AXIN1: variants seen among roughly 807,000 people sequenced by gnomAD.
AXIN1 encodes the protein axin 1.
AXIN1 carries 30 observed loss-of-function variants against 76.4 expected under a neutral mutation model. The observed-to-expected ratio is 0.39, with a 90% CI of 0.29 to 0.53. The LOEUF (loss-of-function observed/expected upper bound fraction) is 0.53, where lower values mean the gene tolerates loss of function less well. Among genes scored for constraint, AXIN1 ranks in the 20% least tolerant of loss-of-function variants. The pLI is 0.66. For missense variants in AXIN1, 1,140 were observed against 1,198.8 expected, an observed-to-expected ratio of 0.95 and a Z score of 0.72; for synonymous variants, 545 against 501.4, an observed-to-expected ratio of 1.09 and a Z score of -1.16.
In AXIN1 at chr16:293,192, G is replaced by T; in HGVS notation, c.2186+296C>A. The T allele has an allele frequency of 2.0e-6, 1 of 504,762 alleles. No homozygotes were observed. Among genetic ancestry groups the T allele is most frequent in the Non-Finnish European group, 3.6e-6 (1 of 279,048 alleles). 31.3% of individuals were successfully genotyped at this position (504,762 alleles called of 1,614,324 possible). On this transcript the variant is annotated intron_variant, in intron 8 of 10. Coordinates refer to ENST00000262320, the MANE Select transcript of AXIN1 (RefSeq NM_003502.4). The surrounding 1 kb of genome is among the most constrained non-coding windows in gnomAD (Gnocchi z 4.6). ...GGGGACCGGCGTTCCCCACACACTG[G>T]GGCCCTGCAGCCTCCCTGCAGACTG...
intron 2 of AXIN1, among the ~76,000 whole-genome samples, chr16:336,956 T>C (rs781239609): frequency 6.6e-6 from 1 of 151,546 alleles, no homozygotes; most frequent in Non-Finnish European, 1.5e-5. Context: ...GAGACCATGA[T>C]GGCTAACACG....
In AXIN1 at chr16:291,160, G is replaced by C. The variant is rs894092998; in HGVS notation, c.2294+30C>G. On this transcript the variant is annotated intron_variant, in intron 9 of 10. Coordinates refer to ENST00000262320, the MANE Select transcript of AXIN1 (RefSeq NM_003502.4). Reference sequence around the variant, plus strand: ...TGGGACGCCAGGGCTGGGGTGGGCAGGACCGGGAGGACCCTCAGGACGCAC... The same window carrying C: ...TGGGACGCCAGGGCTGGGGTGGGCACGACCGGGAGGACCCTCAGGACGCAC... 1.9e-6 allele frequency: 3 copies of C among 1,553,522 alleles called. No individual in the cohort carries two copies. In the East Asian group the frequency reaches 7.1e-5, roughly 37 times the overall value.
At chr16:316,500 A>AGGCTGCCCCTTCCTTCTAGC (rs1293851282) in intron 2 of AXIN1, among the ~76,000 whole-genome samples, 2 of 152,192 alleles carry the variant, frequency 1.3e-5, no homozygotes, top group African/African-American at 4.8e-5. Flanking sequence ...GTGTGCCCTG[A>AGGCTGCCCCTTCCTTCTAGC]GGCTGCCCCT....
intron 3 of AXIN1, 152 bp downstream of exon 3, chr16:314,391 T>C (rs2053251534): frequency 3.2e-6 from 4 of 1,238,960 alleles, no homozygotes; most frequent in Non-Finnish European, 4.6e-6. Flanking sequence ...GGCCGCGCTC[T>C]GCAGCAGGGT....
intron 8 of AXIN1, chr16:292,392 C>G (rs1255811878): frequency 2.0e-5 from 3 of 152,250 alleles, no homozygotes; most frequent in Non-Finnish European, 4.4e-5. Context: ...GGCTCACAGC[C>G]TGGCAGAAGC....
At chr16:311,201 T>C (rs2053168615) in intron 3 of AXIN1, among the ~76,000 whole-genome samples, 1 of 151,660 alleles carries the variant, frequency 6.6e-6, no homozygotes, top group Admixed American at 6.6e-5. Context: ...GGCTAATTTT[T>C]TGTATTATTT....
intron 2 of AXIN1, among the ~76,000 whole-genome samples, chr16:344,068 G>T (rs552672203): frequency 6.6e-6 from 1 of 151,686 alleles, no homozygotes; most frequent in Non-Finnish European, 1.5e-5. Flanking sequence ...TACTCAACAG[G>T]ATAACTTTGC....
intron 2 of AXIN1, among the ~76,000 whole-genome samples, chr16:335,153 C>CT (rs1386586010): frequency 6.6e-6 from 1 of 152,126 alleles, no homozygotes; most frequent in Non-Finnish European, 1.5e-5. Flanking sequence ...CATGGAAATG[C>CT]TTTATCTTTG....
intron 2 of AXIN1, among the ~76,000 whole-genome samples, chr16:341,550 C>A (rs1260034756): frequency 6.6e-6 from 1 of 152,262 alleles, no homozygotes; most frequent in Non-Finnish European, 1.5e-5. Context: ...CCCCCACCCC[C>A]TCCGTGGGCT....
chr16:306,510 C>G (rs1395202945), intron 4 of AXIN1, among the ~76,000 whole-genome samples: 1 of 152,216 alleles, frequency 6.6e-6, no homozygotes, highest in East Asian at 1.9e-4. Context: ...GCCGTGGGCT[C>G]TGGCGCAGTC....
At chr16:318,669 G>GTGCGTGCGCCTATGGA (rs1019049194) in intron 2 of AXIN1, among the ~76,000 whole-genome samples, 3 of 152,238 alleles carry the variant, frequency 2.0e-5, no homozygotes, top group Non-Finnish European at 4.4e-5. Context: ...GTGCCTGCCT[G>GTGCGTGCGCCTATGGA]TGCGTGCGCC....
At position 298,062 on chromosome 16, in the gene AXIN1, G is replaced by C. The variant is rs2141513787; in HGVS notation, c.1444C>G (p.Pro482Ala). The C allele has an allele frequency of 6.4e-7, 1 of 1,573,446 alleles. No homozygotes were observed. Among genetic ancestry groups the C allele is most frequent in the Non-Finnish European group, 8.6e-7 (1 of 1,164,890 alleles). The change falls in exon 6 of 11, where the codon CCT (proline) becomes GCT (alanine). Residue 482 changes from proline (P) to alanine (A), a missense_variant. By Grantham distance (27) the Pro-to-Ala change is conservative (BLOSUM62 -1). Coordinates refer to ENST00000262320, the MANE Select transcript of AXIN1 (RefSeq NM_003502.4). ...DEHVQRVLRT[P>A]GRQSPGPGHR... The stretch of plus-strand genomic sequence containing the variant: ...CCAGGCCCAGGCGACTGGCGGCCAG[G>C]TGTCCTCAGCACACGCTGTACGTGC...
Position 314,625 on chromosome 16 carries a change from C to A in AXIN1, c.937G>T (p.Ala313Ser), listed in dbSNP as rs2141593519. The change falls in exon 3 of 11, where the codon GCC (alanine) becomes TCC (serine). Residue 313 changes from alanine to serine, a missense_variant. Physicochemically the swap from Ala to Ser is moderately conservative, Grantham distance 99 (BLOSUM62 1). Transcript: ENST00000262320. ...PYYVNAGYALAPATSANDSEQ... is the reference protein window; with the variant it reads ...PYYVNAGYALSPATSANDSEQ... ...CTGTCGTTGGCACTGGTGGCTGGGG[C>A]CAGGGCATAGCCGGCATTGACATAA... 6.2e-7 allele frequency: 1 copy of A among 1,614,004 alleles called. No homozygotes were observed. The highest frequency in any genetic ancestry group is 8.5e-7 in the Non-Finnish European group (1 of 1,180,022).
intron 2 of AXIN1, among the ~76,000 whole-genome samples, chr16:335,166 G>A (rs1413373228): frequency 6.6e-6 from 1 of 152,074 alleles, no homozygotes; most frequent in Non-Finnish European, 1.5e-5. Flanking sequence ...TATCTTTGTG[G>A]TATCTCCAAC....
At chr16:315,536 A>C (rs1437518917) in intron 2 of AXIN1, among the ~76,000 whole-genome samples, 1 of 152,196 alleles carries the variant, frequency 6.6e-6, no homozygotes, top group African/African-American at 2.4e-5. Context: ...CATTTCTATG[A>C]AATCAGACAG....
At chr16:351,196 G>A (rs1171478318) in intron 1 of AXIN1, among the ~76,000 whole-genome samples, 1 of 151,826 alleles carries the variant, frequency 6.6e-6, no homozygotes, top group Non-Finnish European at 1.5e-5. Flanking sequence ...TTTAGACTGT[G>A]TTTTCTCCAA....
intron 2 of AXIN1, among the ~76,000 whole-genome samples, chr16:317,001 G>A (rs1463096615): frequency 6.6e-6 from 1 of 152,180 alleles, no homozygotes; most frequent in Non-Finnish European, 1.5e-5. Context: ...CGCCCTCCAC[G>A]TGCACATGGC....
At chr16:342,177 T>C (rs1201693683) in intron 2 of AXIN1, among the ~76,000 whole-genome samples, 1 of 151,594 alleles carries the variant, frequency 6.6e-6, no homozygotes, top group Non-Finnish European at 1.5e-5. Flanking sequence ...ACTGCCTTTA[T>C]GAGCTGTAAC....
intron 2 of AXIN1, among the ~76,000 whole-genome samples, chr16:341,512 C>G (rs1597113499): frequency 6.6e-6 from 1 of 152,256 alleles, no homozygotes; most frequent in African/African-American, 2.4e-5. Flanking sequence ...GGGCAGGGCT[C>G]GGGAGCTGCA....
Sources: gnomAD v4.1 joint callset for allele counts (sites outside exome capture counted in the v4.1 genomes callset) on GRCh38, gnomAD v4.1.1 for gene constraint, Gnocchi (gnomAD v3.1) non-coding constraint, MANE v1.5 for transcripts, NCBI Gene and HGNC (gene_info 2026-07-23, HGNC 2026-07-21) for gene names.